Variants in GALNT13 observed in about 807,000 individuals in gnomAD.
GALNT13 encodes UDP-GalNAc:polypeptide N-acetylgalactosaminyltransferase 13.
Under a neutral mutation model 64.2 loss-of-function variants are expected in GALNT13, and 28 were observed. The ratio of observed to expected loss-of-function variants is 0.44; its 90% CI spans 0.32 to 0.60. GALNT13 has a LOEUF of 0.60. Among genes scored for constraint, GALNT13 ranks in the 20% least tolerant of loss-of-function variants. GALNT13 has a pLI of 0.05. For missense variants in GALNT13, 577 were observed against 669.8 expected (o/e 0.86, Z 1.53); for synonymous variants, 214 against 224.6 (o/e 0.95, Z 0.42).
chr2:153,409,298 G>GTATA, the GALNT13 span, among the ~76,000 whole-genome samples: 6 of 136,430 alleles, frequency 4.4e-5, no homozygotes, highest in South Asian at 9.0e-4. Context: ...GAATATGTAT[G>GTATA]TATATATATA....
intron 4 of GALNT13, among the ~76,000 whole-genome samples, chr2:154,150,124 G>A (rs530598039): frequency 1.4e-3 from 213 of 152,270 alleles, no homozygotes; most frequent in Non-Finnish European, 2.1e-3. Context: ...TTTATTGAGA[G>A]TTAATAGCAT....
chr2:153,934,971 T>C (rs1486303111), intron 2 of GALNT13, among the ~76,000 whole-genome samples: 2 of 152,084 alleles, frequency 1.3e-5, no homozygotes, highest in African/African-American at 4.8e-5. Flanking sequence ...TTTCATGTGA[T>C]TATGGCACTC....
At chr2:154,239,679 T>C (rs911404452) in intron 4 of GALNT13, among the ~76,000 whole-genome samples, 9 of 152,182 alleles carry the variant, frequency 5.9e-5, no homozygotes, top group African/African-American at 2.2e-4. Context: ...ATGCCTTACA[T>C]TTTTATTTTC....
chr2:153,658,046 T>C, the GALNT13 span, among the ~76,000 whole-genome samples: 16 of 152,094 alleles, frequency 1.1e-4, no homozygotes, highest in Non-Finnish European at 2.4e-4. Flanking sequence ...TCACATAGGA[T>C]CACCAACAAT....
At chr2:153,919,404 A>AT (rs1232255786) in intron 2 of GALNT13, among the ~76,000 whole-genome samples, 3 of 152,096 alleles carry the variant, frequency 2.0e-5, no homozygotes, top group East Asian at 3.9e-4. Flanking sequence ...GAATACCACT[A>AT]TTTTTTCTGT....
the GALNT13 span, among the ~76,000 whole-genome samples, chr2:153,438,125 C>T: frequency 6.6e-6 from 1 of 152,136 alleles, no homozygotes; most frequent in Non-Finnish European, 1.5e-5. Context: ...GTTGAAAATT[C>T]TTTTCTTTAA....
chr2:154,332,972 T>G (rs1436722179), intron 9 of GALNT13, among the ~76,000 whole-genome samples: 1 of 152,122 alleles, frequency 6.6e-6, no homozygotes, highest in Admixed American at 6.6e-5. Context: ...CTTTTCCTAA[T>G]TTTTCCTAAG....
the GALNT13 span, among the ~76,000 whole-genome samples, chr2:153,568,529 T>C: frequency 1.4e-4 from 22 of 152,356 alleles, no homozygotes; most frequent in African/African-American, 5.3e-4. Flanking sequence ...TTTTTTAAGA[T>C]TTATGTATCT....
intron 4 of GALNT13, among the ~76,000 whole-genome samples, chr2:154,216,928 G>A (rs959601585): frequency 6.7e-6 from 1 of 148,578 alleles, no homozygotes; most frequent in Non-Finnish European, 1.5e-5. Context: ...AACTAGGACT[G>A]GAGGCATGGA....
the GALNT13 span, among the ~76,000 whole-genome samples, chr2:153,726,235 A>G: frequency 1.3e-5 from 2 of 152,212 alleles, no homozygotes; most frequent in African/African-American, 4.8e-5. Context: ...ATTCAAAATT[A>G]TAATTTGAGA....
At chr2:154,044,275 A>C (rs1233036279) in intron 3 of GALNT13, among the ~76,000 whole-genome samples, 1 of 152,146 alleles carries the variant, frequency 6.6e-6, no homozygotes, top group Non-Finnish European at 1.5e-5. Flanking sequence ...AAATGTGTGA[A>C]ATTAACAGAT....
At chr2:153,433,743 A>G in the GALNT13 span, among the ~76,000 whole-genome samples, 1 of 152,158 alleles carries the variant, frequency 6.6e-6, no homozygotes, top group Admixed American at 6.5e-5. Flanking sequence ...CTCAAAAGAG[A>G]AGAGTTTTAA....
chr2:154,139,053 A>G (rs1424893679), intron 3 of GALNT13, among the ~76,000 whole-genome samples: 4 of 151,992 alleles, frequency 2.6e-5, no homozygotes, highest in African/African-American at 9.7e-5. Context: ...TATATATGTG[A>G]GAGGATTTCA....
intron 4 of GALNT13, among the ~76,000 whole-genome samples, chr2:154,147,315 A>G (rs1369539274): frequency 1.3e-5 from 2 of 150,572 alleles, no homozygotes; most frequent in Non-Finnish European, 3.0e-5. Flanking sequence ...GACTATATAC[A>G]TATATATGTA....
the GALNT13 span, among the ~76,000 whole-genome samples, chr2:153,757,024 T>C: frequency 6.9e-3 from 1,051 of 152,278 alleles, 15 homozygotes; most frequent in African/African-American, 0.024. Flanking sequence ...CAAATTATAA[T>C]TGTATGCACT....
At chr2:153,654,679 CAT>C in the GALNT13 span, among the ~76,000 whole-genome samples, 2 of 151,918 alleles carry the variant, frequency 1.3e-5, no homozygotes, top group African/African-American at 2.4e-5. Flanking sequence ...AAAAATACAA[CAT>C]AATTATTTAT....
At chr2:154,404,547 A>G (rs2105380672) in intron 10 of GALNT13, among the ~76,000 whole-genome samples, 1 of 152,244 alleles carries the variant, frequency 6.6e-6, no homozygotes. Context: ...ATAACACCCA[A>G]TTTTCTAATA....
the GALNT13 span, among the ~76,000 whole-genome samples, chr2:153,441,919 C>G: frequency 3.3e-5 from 5 of 152,154 alleles, no homozygotes; most frequent in Non-Finnish European, 5.9e-5. Context: ...TTCCTCTCTT[C>G]CCATTTGAAT....
chr2:153,343,308 A>G, the GALNT13 span, among the ~76,000 whole-genome samples: 1 of 152,182 alleles, frequency 6.6e-6, no homozygotes, highest in Non-Finnish European at 1.5e-5. Context: ...GGTTTATAAA[A>G]CATTCTTAAC....
Sources: gnomAD v4.1 joint callset for allele counts (sites outside exome capture counted in the v4.1 genomes callset) on GRCh38, gnomAD v4.1.1 for gene constraint, MANE v1.5 for transcripts, NCBI Gene and HGNC (gene_info 2026-07-23, HGNC 2026-07-21) for gene names.